PHF24: variants seen among roughly 807,000 people sequenced by gnomAD.
PHF24 encodes Galpha inhibitory interacting protein.
In PHF24, 25 loss-of-function variants were observed where a neutral mutation model predicts 42.6. The ratio of observed to expected loss-of-function variants is 0.59; its 90% CI spans 0.43 to 0.82. The LOEUF (loss-of-function observed/expected upper bound fraction) is 0.82, where lower values mean the gene tolerates loss of function less well. Among genes scored for constraint, PHF24 ranks in the 40% least tolerant of loss-of-function variants. The pLI is 0.00. For synonymous variants in PHF24, 185 were observed against 204.8 expected, an observed-to-expected ratio of 0.90 and a Z score of 0.83; for missense variants, 470 against 538.1, an observed-to-expected ratio of 0.87 and a Z score of 1.25.
chr9:34,704,146 G>A, the PHF24 span, among the ~76,000 whole-genome samples: 17 of 151,768 alleles, frequency 1.1e-4, 1 homozygote, highest in East Asian at 2.3e-3. Context: ...TCCCACCTCA[G>A]CCTCCAAGTC....
At chr9:34,717,697 A>G in the PHF24 span, among the ~76,000 whole-genome samples, 1 of 152,314 alleles carries the variant, frequency 6.6e-6, no homozygotes, top group African/African-American at 2.4e-5. Context: ...ACCTGGTCTG[A>G]GGTGGCCTAG....
chr9:34,716,318 C>T, the PHF24 span, among the ~76,000 whole-genome samples: 1 of 152,056 alleles, frequency 6.6e-6, no homozygotes, highest in African/African-American at 2.4e-5. Context: ...TTGGATAGGG[C>T]TGGAATCATG....
the PHF24 span, among the ~76,000 whole-genome samples, chr9:34,791,066 C>T: frequency 1.9e-4 from 29 of 152,296 alleles, no homozygotes; most frequent in African/African-American, 6.3e-4. Flanking sequence ...AACCACTAGA[C>T]GGTTGAGCCA....
the PHF24 span, among the ~76,000 whole-genome samples, chr9:34,777,856 A>G: frequency 6.6e-6 from 1 of 152,122 alleles, no homozygotes; most frequent in African/African-American, 2.4e-5. Flanking sequence ...CCCTCCCTGG[A>G]GCAGTGTCAT....
At chr9:34,851,309 G>T in the PHF24 span, among the ~76,000 whole-genome samples, 1 of 152,182 alleles carries the variant, frequency 6.6e-6, no homozygotes, top group Non-Finnish European at 1.5e-5. Context: ...GCAATGGCGG[G>T]CTCCCCTCCC....
At chr9:34,895,088 A>G in the PHF24 span, 185 of 398,568 alleles carry the variant, frequency 4.6e-4, 4 homozygotes, top group East Asian at 5.0e-3. Flanking sequence ...GGTGACACTT[A>G]AAGACAAAAA....
At chr9:34,931,335 C>A in the PHF24 span, among the ~76,000 whole-genome samples, 2 of 132,880 alleles carry the variant, frequency 1.5e-5, no homozygotes, top group Non-Finnish European at 3.1e-5. Flanking sequence ...GAGATAGTGC[C>A]ACTGTACTCC....
At chr9:34,727,538 CT>C in the PHF24 span, among the ~76,000 whole-genome samples, 1 of 152,196 alleles carries the variant, frequency 6.6e-6, no homozygotes, top group African/African-American at 2.4e-5. Flanking sequence ...TAATAGACTC[CT>C]GTCTAAGGAG....
the PHF24 span, among the ~76,000 whole-genome samples, chr9:34,816,780 A>C: frequency 2.0e-5 from 3 of 152,192 alleles, no homozygotes; most frequent in African/African-American, 7.2e-5. Flanking sequence ...CATGGAGTAG[A>C]CGTTTCTTCT....
the PHF24 span, among the ~76,000 whole-genome samples, chr9:34,899,491 C>G: frequency 6.6e-6 from 1 of 152,212 alleles, no homozygotes; most frequent in African/African-American, 2.4e-5. Context: ...CGCTGTGTCT[C>G]ATACTCAGAA....
the PHF24 span, among the ~76,000 whole-genome samples, chr9:34,880,055 TAAAG>T: frequency 6.6e-6 from 1 of 152,182 alleles, no homozygotes; most frequent in Non-Finnish European, 1.5e-5. Flanking sequence ...TCAACATTCT[TAAAG>T]AAAAGAATTT....
the PHF24 span, among the ~76,000 whole-genome samples, chr9:34,721,457 C>T: frequency 1.3e-5 from 2 of 150,966 alleles, no homozygotes; most frequent in Non-Finnish European, 2.9e-5. Flanking sequence ...TCTTGTCGCC[C>T]AGGCTGGAAT....
chr9:34,706,629 T>C, the PHF24 span, among the ~76,000 whole-genome samples: 1 of 152,168 alleles, frequency 6.6e-6, no homozygotes, highest in Non-Finnish European at 1.5e-5. Context: ...AAATAATATA[T>C]TGCATGCTTA....
At chr9:34,691,251 G>T in the PHF24 span, 1 of 838,956 alleles carries the variant, frequency 1.2e-6, no homozygotes, top group Non-Finnish European at 1.9e-6. Context: ...TGAAATGCAA[G>T]GTGTGAGTGA....
At chr9:34,805,497 T>A in the PHF24 span, among the ~76,000 whole-genome samples, 1 of 152,254 alleles carries the variant, frequency 6.6e-6, no homozygotes, top group Non-Finnish European at 1.5e-5. Context: ...TGGCTATTTG[T>A]ATAACTTATT....
the PHF24 span, among the ~76,000 whole-genome samples, chr9:34,951,006 T>A: frequency 6.6e-6 from 1 of 152,128 alleles, no homozygotes; most frequent in African/African-American, 2.4e-5. Context: ...TGAAATAAGG[T>A]CTGTAGGGCA....
At chr9:34,748,799 G>C in the PHF24 span, among the ~76,000 whole-genome samples, 4 of 152,050 alleles carry the variant, frequency 2.6e-5, no homozygotes, top group African/African-American at 9.7e-5. Context: ...TAATGCACTG[G>C]TGAACATTTG....
chr9:34,873,858 G>C, the PHF24 span, among the ~76,000 whole-genome samples: 1 of 151,700 alleles, frequency 6.6e-6, no homozygotes, highest in African/African-American at 2.4e-5. Flanking sequence ...TCTTCCATTT[G>C]TTTGTATCCT....
the PHF24 span, among the ~76,000 whole-genome samples, chr9:34,880,902 A>G: frequency 6.6e-6 from 1 of 152,244 alleles, no homozygotes; most frequent in South Asian, 2.1e-4. Flanking sequence ...AACAGAATGT[A>G]CATTATTCTC....
Sources: gnomAD v4.1 joint callset for allele counts (sites outside exome capture counted in the v4.1 genomes callset) on GRCh38, gnomAD v4.1.1 for gene constraint, MANE v1.5 for transcripts, NCBI Gene and HGNC (gene_info 2026-07-23, HGNC 2026-07-21) for gene names.